Variants in KIAA1217 observed in about 807,000 individuals in gnomAD.
The protein encoded by KIAA1217 is sickle tail protein homolog.
A neutral mutation model predicts 163.9 loss-of-function variants in KIAA1217; 88 were observed. The ratio of observed to expected loss-of-function variants is 0.54; its 90% CI spans 0.45 to 0.64. KIAA1217 has a LOEUF of 0.64. Ranked by LOEUF, KIAA1217 falls within the 30% of genes least tolerant of loss-of-function variation. The probability of loss-of-function intolerance (pLI) is 0.00; values close to 1 mark genes in which losing one functional copy is unlikely to be tolerated. For missense variants in KIAA1217, 2,372 were observed against 2,475.0 expected, an observed-to-expected ratio of 0.96 and a Z score of 0.88; for synonymous variants, 903 against 923.1, an observed-to-expected ratio of 0.98 and a Z score of 0.39.
At chr10:24,386,876 G>A (rs1195055919) in intron 3 of KIAA1217, among the ~76,000 whole-genome samples, 3 of 152,138 alleles carry the variant, frequency 2.0e-5, no homozygotes, top group Admixed American at 6.5e-5. Flanking sequence ...ACTGCACCTG[G>A]CCCAAAAGAT....
rs1160767519 is a variant in KIAA1217, at chr10:23,817,990, T to TACAC, written c.-321+122757_-321+122758insCACA. On this transcript the variant is annotated intron_variant, in intron 1 of 18. Coordinates refer to the KIAA1217 transcript ENST00000376462. Reference sequence around the variant, plus strand: ...ATATATATATATATATATATATATATATATATATATATATATATACACACA... The same window carrying TACAC: ...ATATATATATATATATATATATATATACACATATATATATATATATATACACACA... Among the ~76,000 whole-genome samples, 411 of 116,696 alleles carry TACAC rather than the reference T, an allele frequency of 3.5e-3. 10 individuals are homozygous for TACAC. Among genetic ancestry groups the TACAC allele is most frequent in the African/African-American group, 0.015 (396 of 26,952 alleles). The allele number at this position is 116,696 out of a possible 152,430, so 76.6% of individuals were successfully genotyped here.
intron 1 of KIAA1217, among the ~76,000 whole-genome samples, chr10:23,988,030 GT>G (rs1473467409): frequency 1.3e-5 from 2 of 150,250 alleles, no homozygotes; most frequent in Non-Finnish European, 3.0e-5. Flanking sequence ...ATTTAAAAGT[GT>G]TTTTTTATTT....
intron 1 of KIAA1217, among the ~76,000 whole-genome samples, chr10:23,823,380 G>T (rs1837718756): frequency 6.6e-6 from 1 of 152,210 alleles, no homozygotes; most frequent in African/African-American, 2.4e-5. Flanking sequence ...CTCAGAGCCA[G>T]CAAAAGTTTG....
chr10:24,077,024 G>A (rs1268532526), intron 2 of KIAA1217, among the ~76,000 whole-genome samples: 1 of 151,866 alleles, frequency 6.6e-6, no homozygotes, highest in Admixed American at 6.6e-5. Context: ...TTACAGGCAT[G>A]CACCACCATG....
chr10:24,380,726 T>C, intron 2 of KIAA1217, 143 bp from the exon 3 acceptor site: 1 of 486,850 alleles, frequency 2.1e-6, no homozygotes, highest in Non-Finnish European at 3.4e-6. Context: ...ACTGGGTCTT[T>C]AGTTTTCCCT....
chr10:24,252,662 C>A (rs868001619), intron 2 of KIAA1217, among the ~76,000 whole-genome samples: 9 of 152,168 alleles, frequency 5.9e-5, no homozygotes, highest in Non-Finnish European at 1.0e-4. Context: ...ACCATTCATT[C>A]ATTCATTCAT....
intron 2 of KIAA1217, among the ~76,000 whole-genome samples, chr10:24,136,513 AAGAG>A (rs112082307): frequency 1.2e-4 from 18 of 150,524 alleles, no homozygotes; most frequent in Non-Finnish European, 2.4e-4. Flanking sequence ...GCTACTTTAA[AAGAG>A]AGAGAGAGAG....
chr10:24,425,422 C>T (rs1181604666), intron 3 of KIAA1217, among the ~76,000 whole-genome samples: 2 of 152,158 alleles, frequency 1.3e-5, no homozygotes, highest in Admixed American at 6.5e-5. Flanking sequence ...AGAGGCCACT[C>T]AAAATTGTGT....
chr10:23,971,547 T>C (rs762137891), intron 1 of KIAA1217, among the ~76,000 whole-genome samples: 10 of 152,196 alleles, frequency 6.6e-5, no homozygotes, highest in Non-Finnish European at 1.5e-4. Context: ...AATTCAGTCA[T>C]GGCTGACCAG....
At chr10:24,036,356 A>AG (rs1264665406) in intron 2 of KIAA1217, among the ~76,000 whole-genome samples, 1 of 152,124 alleles carries the variant, frequency 6.6e-6, no homozygotes, top group Non-Finnish European at 1.5e-5. Context: ...ATATGTGGGG[A>AG]GGGGGTCAGG....
chr10:24,303,171 G>A (rs1333509696), intron 2 of KIAA1217, among the ~76,000 whole-genome samples: 4 of 151,870 alleles, frequency 2.6e-5, no homozygotes, highest in African/African-American at 9.7e-5. Context: ...ACACCACCAA[G>A]CCCAGTTAAT....
chr10:24,340,670 G>A (rs953138433), intron 2 of KIAA1217, among the ~76,000 whole-genome samples: 18 of 152,038 alleles, frequency 1.2e-4, no homozygotes, highest in African/African-American at 2.4e-4. Context: ...ACAAGGCTCC[G>A]CTGGCACAAG....
intron 1 of KIAA1217, among the ~76,000 whole-genome samples, chr10:23,908,135 G>A (rs540509878): frequency 7.2e-5 from 11 of 152,218 alleles, no homozygotes; most frequent in African/African-American, 2.6e-4. Flanking sequence ...ATGGCAGGGA[G>A]GCAAGTGTAA....
chr10:24,466,038 T>G (rs2062913439), intron 5 of KIAA1217, among the ~76,000 whole-genome samples: 1 of 152,154 alleles, frequency 6.6e-6, no homozygotes, highest in African/African-American at 2.4e-5. Context: ...ACAGGGCTGG[T>G]TAATTAATAG....
chr10:24,506,217 G>A lies in KIAA1217; in HGVS notation c.2001+4672G>A, dbSNP rs188464366. On this transcript the variant is annotated intron_variant, in intron 9 of 20. Coordinates refer to ENST00000376454, the MANE Select transcript of KIAA1217 (RefSeq NM_019590.5). ...ACAGATCCAGGTGGGATCAGGAGTC[G>A]TTCTGAGGTCTGGCTTTCCTCCTGA... 7.9e-5 allele frequency among the ~76,000 whole-genome samples: 12 copies of A among 152,308 alleles called. No homozygotes were observed. The East Asian group carries it at 1.7e-3, about 22-fold the overall frequency.
At chr10:24,227,569 G>A (rs2070758033) in intron 2 of KIAA1217, among the ~76,000 whole-genome samples, 1 of 150,684 alleles carries the variant, frequency 6.6e-6, no homozygotes, top group African/African-American at 2.5e-5. Flanking sequence ...GTCTTGCTCT[G>A]TTGCCCAGGC....
chr10:23,831,032 T>C (rs986717732), intron 1 of KIAA1217, among the ~76,000 whole-genome samples: 2 of 151,986 alleles, frequency 1.3e-5, no homozygotes, highest in African/African-American at 2.4e-5. Flanking sequence ...CTGAGCTGAG[T>C]TGACCTCCAA....
At chr10:24,222,455 G>C (rs1024768778) in intron 2 of KIAA1217, among the ~76,000 whole-genome samples, 3 of 152,120 alleles carry the variant, frequency 2.0e-5, no homozygotes, top group Admixed American at 6.5e-5. Flanking sequence ...AAGAATTCAG[G>C]GTGAGTTCAT....
intron 2 of KIAA1217, among the ~76,000 whole-genome samples, chr10:24,300,178 A>C (rs970659454): frequency 3.3e-5 from 5 of 152,240 alleles, no homozygotes; most frequent in African/African-American, 1.2e-4. Flanking sequence ...AGACAACATG[A>C]GTTATAAATT....
Sources: allele counts gnomAD v4.1 joint callset (sites outside exome capture counted in the v4.1 genomes callset), GRCh38; gene constraint gnomAD v4.1.1; transcripts MANE v1.5; gene names NCBI Gene and HGNC (gene_info 2026-07-23, HGNC 2026-07-21).